The following LSM5 variants were observed in gnomAD, a reference collection of about 807,000 sequenced individuals.
LSM5 encodes U6 snRNA-associated Sm-like protein LSm5.
Under a neutral mutation model 13.8 loss-of-function variants are expected in LSM5, and 8 were observed. That is an observed-to-expected ratio of 0.58 (90% CI 0.34 to 1.04). The LOEUF is 1.04. Among genes scored for constraint, LSM5 ranks in the 50% least tolerant of loss-of-function variants. The pLI, the probability that LSM5 is intolerant of heterozygous loss-of-function variation, is 0.03. For missense variants in LSM5, 80 were observed against 108.1 expected, an observed-to-expected ratio of 0.74 and a Z score of 1.15; for synonymous variants, 35 against 37.0, an observed-to-expected ratio of 0.95 and a Z score of 0.20.
At chr7:32,492,530 C>CAA (rs1218454992), upstream of LSM5, among the ~76,000 whole-genome samples, 6 of 101,040 alleles carry the variant, frequency 5.9e-5, no homozygotes, top group African/African-American at 1.2e-4. Flanking sequence ...AAAACAACAA[C>CAA]AACAAAAAAA....
At chr7:32,489,787 C>T (rs955316970) in intron 1 of LSM5, among the ~76,000 whole-genome samples, 11 of 152,106 alleles carry the variant, frequency 7.2e-5, no homozygotes, top group African/African-American at 2.7e-4. Context: ...GGCTTGTGTG[C>T]TATTTGAAGG....
At chr7:32,489,419 T>G in intron 1 of LSM5, 75 bp from the exon 2 acceptor site, 1 of 790,902 alleles carries the variant, frequency 1.3e-6, no homozygotes, top group East Asian at 2.5e-5. Context: ...CACTCTTACT[T>G]GCATATAGTG....
In LSM5 at chr7:32,486,093, A is replaced by G. The variant is rs1786437835; in HGVS notation, c.*1168T>C. The G allele has an allele frequency of 6.6e-6, 1 of 152,222 alleles. No individual in the cohort carries two copies. 9.4% of individuals were successfully genotyped at this position (152,222 alleles called of 1,614,324 possible). On this transcript the variant is annotated 3_prime_UTR_variant, in exon 5 of 5. Coordinates refer to ENST00000450169, the MANE Select transcript of LSM5 (RefSeq NM_012322.3). The stretch of plus-strand genomic sequence containing the variant: ...TGAAAGACTCCTGGCAAAAATATAC[A>G]TTGGCACAAACTTTTTCTTGGCAAC...
At position 32,485,726 on chromosome 7, in the gene LSM5, C is replaced by T. The variant is rs988127134; in HGVS notation, c.*1535G>A. 5.9e-5 allele frequency: 9 copies of T among 152,058 alleles called. No homozygotes were observed. The highest frequency in any genetic ancestry group is 2.2e-4 in the African/African-American group (9 of 41,378). 9.4% of individuals were successfully genotyped at this position (152,058 alleles called of 1,614,324 possible). A position where few individuals can be genotyped will look rare whatever the true frequency, so the allele number is the denominator to read the frequency against. On this transcript the variant is annotated 3_prime_UTR_variant, in exon 5 of 5. Coordinates refer to ENST00000450169, the MANE Select transcript of LSM5 (RefSeq NM_012322.3). ...TAGAGGTCAGGAGTTCAAGACCAGC[C>T]TGGCCAACAAGGTAAAACCCCATCT...
chr7:32,486,841 T>C lies in LSM5; in HGVS notation c.*420A>G, dbSNP rs1207105670. 2 of 182,260 alleles carry C rather than the reference T, an allele frequency of 1.1e-5. No individual in the cohort carries two copies. The highest frequency in any genetic ancestry group is 4.8e-5 in the African/African-American group (2 of 41,774). The allele number at this position is 182,260 out of a possible 1,614,324, so 11.3% of individuals were successfully genotyped here. ...CAGCATTTTAATTGAATTTTCTAAG[T>C]GATCATTTCCGGTTGTTTAAATGCA... On this transcript the variant is annotated 3_prime_UTR_variant, in exon 5 of 5. Transcript: ENST00000450169.
intron 2 of LSM5, 113 bp downstream of exon 2, chr7:32,489,136 C>T (rs189049600): frequency 1.6e-6 from 1 of 608,264 alleles, no homozygotes; most frequent in South Asian, 2.1e-5. Context: ...ATCATAAGTT[C>T]CCTGAGAATG....
chr7:32,487,841 G>A (rs1034518056), intron 3 of LSM5, 84 bp from the exon 4 acceptor site: 16 of 730,376 alleles, frequency 2.2e-5, no homozygotes, highest in African/African-American at 2.1e-4. Context: ...CCCTAAAAAG[G>A]TTATCCTTGT....
chr7:32,490,173 G>A, intron 1 of LSM5, 147 bp downstream of exon 1: 2 of 1,555,328 alleles, frequency 1.3e-6, no homozygotes, highest in East Asian at 2.4e-5. Context: ...GCGGCCTGCT[G>A]TCGCGAAGAC....
At chr7:32,488,754 C>T (rs35608030) in intron 2 of LSM5, 102 bp from the exon 3 acceptor site, 164,451 of 804,086 alleles carry the variant, frequency 0.2, 18,810 homozygotes, top group African/African-American at 0.33. Flanking sequence ...GACAAAGTCT[C>T]GCTCTGTCAT....
upstream of LSM5, among the ~76,000 whole-genome samples, chr7:32,491,397 C>CAAAAAAAAAAAAAAAAAAAAACAAA (rs11393390): frequency 1.0e-5 from 1 of 97,934 alleles, no homozygotes; most frequent in Non-Finnish European, 1.9e-5. Flanking sequence ...AACTCCATCT[C>CAAAAAAAAAAAAAAAAAAAAACAAA]AAAAAAAAAA....
upstream of LSM5, chr7:32,494,969 G>C (rs1786706446): frequency 6.6e-6 from 1 of 152,120 alleles, no homozygotes; most frequent in Non-Finnish European, 1.5e-5. Context: ...TAATTTAAAG[G>C]CTGAATACAC....
At position 32,487,678 on chromosome 7, in the gene LSM5, G is replaced by C. The variant is rs368196608; in HGVS notation, c.243+7C>G. The C allele has an allele frequency of 7.1e-7, 1 of 1,411,526 alleles. No individual in the cohort carries two copies. The highest frequency in any genetic ancestry group is 1.4e-5 in the African/African-American group (1 of 71,048). 87.4% of individuals were successfully genotyped at this position (1,411,526 alleles called of 1,614,324 possible). ...CATCAAAATAAAACAGTTTCAATGTGTCTTACCATTGTTATATTATTTCCA... is the reference window on the plus strand; with the variant it reads ...CATCAAAATAAAACAGTTTCAATGTCTCTTACCATTGTTATATTATTTCCA... On this transcript the variant is annotated splice_region_variant and intron_variant, in intron 4 of 4. Transcript: ENST00000450169.
Position 32,487,012 on chromosome 7 carries a change from CAGT to C in LSM5, c.*246_*248del. ...ACAAACTTTGTTCCACTGGCTACTG[CAGT>C]AGAATAAACAAAATGACAGTTAACC... On this transcript the variant is annotated 3_prime_UTR_variant, in exon 5 of 5. Coordinates refer to ENST00000450169, the MANE Select transcript of LSM5 (RefSeq NM_012322.3). The C allele has an allele frequency of 1.9e-6, 1 of 532,286 alleles. No individual in the cohort carries two copies. The highest frequency in any genetic ancestry group is 4.9e-4 in the Middle Eastern group (1 of 2,032). The allele number at this position is 532,286 out of a possible 1,614,324, so 33.0% of individuals were successfully genotyped here.
upstream of LSM5, chr7:32,495,009 GT>G (rs1786708247): frequency 6.6e-6 from 1 of 152,142 alleles, no homozygotes; most frequent in Non-Finnish European, 1.5e-5. Flanking sequence ...TATGCTCCAT[GT>G]TACTACATAT....
chr7:32,489,931 A>G (rs766952498), intron 1 of LSM5: 32 of 788,828 alleles, frequency 4.1e-5, no homozygotes, highest in Non-Finnish European at 5.6e-5. Context: ...CTCATTCCGG[A>G]CCAGGGTGTT....
Position 32,487,183 on chromosome 7 carries a change from T to G in LSM5, c.*78A>C. ...ACTTAGCTTTATGGGATTTAAACAT[T>G]AGAAAGTGGGAAAAAAAATTCCATT... On this transcript the variant is annotated 3_prime_UTR_variant, in exon 5 of 5. Coordinates refer to ENST00000450169, the MANE Select transcript of LSM5 (RefSeq NM_012322.3). 7.7e-7 allele frequency: 1 copy of G among 1,299,988 alleles called. No individual in the cohort carries two copies. Among genetic ancestry groups the G allele is most frequent in the Admixed American group, 1.7e-5 (1 of 57,498 alleles). 80.5% of individuals were successfully genotyped at this position (1,299,988 alleles called of 1,614,324 possible). A position where few individuals can be genotyped will look rare whatever the true frequency, so the allele number is the denominator to read the frequency against.
At position 32,487,475 on chromosome 7, in the gene LSM5, A is replaced by G. The variant is rs1786476091; in HGVS notation, c.244-182T>C. On this transcript the variant is annotated intron_variant, in intron 4 of 4. Transcript: ENST00000450169. Reference sequence around the variant, plus strand: ...ATTAATACTTACTATCTCAACAGCGATTAAAAGTTCCAAGCAAACTAACCT... The same window carrying G: ...ATTAATACTTACTATCTCAACAGCGGTTAAAAGTTCCAAGCAAACTAACCT... The G allele has an allele frequency of 4.5e-6, 3 of 666,304 alleles. No individual in the cohort carries two copies. The East Asian group carries it at 8.1e-5, about 18-fold the overall frequency. The allele number at this position is 666,304 out of a possible 1,614,324, so 41.3% of individuals were successfully genotyped here.
At chr7:32,488,026 T>C (rs1304874135) in intron 3 of LSM5, 2 of 351,598 alleles carry the variant, frequency 5.7e-6, no homozygotes, top group African/African-American at 2.3e-5. Context: ...GGAAATCAAA[T>C]ATGAAATGAA....
rs1331008962 is a variant in LSM5 at position 32,486,818 on chromosome 7, G to A, written c.*443C>T. The A allele has an allele frequency of 1.6e-5, 3 of 182,046 alleles. No homozygotes were observed. The highest frequency in any genetic ancestry group is 6.3e-5 in the Admixed American group (1 of 15,918). 11.3% of individuals were successfully genotyped at this position (182,046 alleles called of 1,614,324 possible). ...GAAAAATCCTCATTACAAAACAACAGCATTTTAATTGAATTTTCTAAGTGA... is the reference window on the plus strand; with the variant it reads ...GAAAAATCCTCATTACAAAACAACAACATTTTAATTGAATTTTCTAAGTGA... On this transcript the variant is annotated 3_prime_UTR_variant, in exon 5 of 5. Coordinates refer to ENST00000450169, the MANE Select transcript of LSM5 (RefSeq NM_012322.3).
Sources: gnomAD v4.1 joint callset for allele counts (sites outside exome capture counted in the v4.1 genomes callset) on GRCh38, gnomAD v4.1.1 for gene constraint, MANE v1.5 for transcripts, NCBI Gene and HGNC (gene_info 2026-07-23, HGNC 2026-07-21) for gene names.